XKR4: variants seen among roughly 807,000 people sequenced by gnomAD.
XKR4 encodes the protein XK-related protein 4.
Under a neutral mutation model 53.9 loss-of-function variants are expected in XKR4, and 12 were observed. The ratio of observed to expected loss-of-function variants is 0.22; its 90% CI spans 0.14 to 0.36. The LOEUF is 0.36. Among genes scored for constraint, XKR4 ranks in the 10% least tolerant of loss-of-function variants. XKR4 has a pLI of 1.00. For missense variants in XKR4, 799 were observed against 859.5 expected (o/e 0.93, Z 0.88); for synonymous variants, 354 against 362.4 (o/e 0.98, Z 0.26).
intron 1 of XKR4, among the ~76,000 whole-genome samples, chr8:55,193,500 G>C (rs1817469496): frequency 1.3e-5 from 2 of 152,092 alleles, no homozygotes; most frequent in African/African-American, 4.8e-5. Context: ...CACATCTTTA[G>C]AGCTGCTGTG....
Position 55,247,732 on chromosome 8 carries a change from A to G in XKR4, c.807-109946A>G, listed in dbSNP as rs1047324030. Reference sequence around the variant, plus strand: ...GTTTCTTCTGCAGTTCACAATTACAATCACAGTGCTTTATCCTTTCTCTTA... The same window carrying G: ...GTTTCTTCTGCAGTTCACAATTACAGTCACAGTGCTTTATCCTTTCTCTTA... On this transcript the variant is annotated intron_variant, in intron 1 of 2. Transcript: ENST00000327381. Among the ~76,000 whole-genome samples the G allele has an allele frequency of 9.2e-5, 14 of 152,166 alleles. No individual in the cohort carries two copies. The East Asian group carries it at 1.7e-3, about 19-fold the overall frequency.
chr8:55,305,972 A>T (rs1309137983), intron 1 of XKR4, among the ~76,000 whole-genome samples: 2 of 152,220 alleles, frequency 1.3e-5, no homozygotes, highest in African/African-American at 4.8e-5. Context: ...AAATGTAGGT[A>T]AATTGTTTAG....
At chr8:55,513,327 T>A (rs1197265023) in intron 2 of XKR4, among the ~76,000 whole-genome samples, 2 of 152,166 alleles carry the variant, frequency 1.3e-5, no homozygotes, top group Non-Finnish European at 2.9e-5. Flanking sequence ...GGCCATCGAA[T>A]TCACATGCAT....
chr8:55,353,287 T>C (rs186906177), intron 1 of XKR4, among the ~76,000 whole-genome samples: 7 of 152,280 alleles, frequency 4.6e-5, no homozygotes, highest in Admixed American at 6.5e-5. Flanking sequence ...GATGAGATCA[T>C]TGGGGTGACT....
At chr8:55,473,377 T>G (rs2975960) in intron 2 of XKR4, among the ~76,000 whole-genome samples, 62,605 of 151,940 alleles carry the variant, frequency 0.41, 13,516 homozygotes, top group East Asian at 0.53. Context: ...TCTTATTTAT[T>G]TTACTAATTT....
rs1203629835 is a variant in XKR4 at position 55,525,737 on chromosome 8, T to TA, written c.*1516dup. 6.6e-6 allele frequency: 1 copy of TA among 152,652 alleles called. No individual in the cohort carries two copies. Among genetic ancestry groups the TA allele is most frequent in the Non-Finnish European group, 1.5e-5 (1 of 68,040 alleles). The allele number at this position is 152,652 out of a possible 1,614,324, so 9.5% of individuals were successfully genotyped here. A position where few individuals can be genotyped will look rare whatever the true frequency, so the allele number is the denominator to read the frequency against. On this transcript the variant is annotated 3_prime_UTR_variant, in exon 3 of 3. Transcript: ENST00000327381. ...ATGGATTATTTCAATATTTTTGTAA[T>TA]AAAAAATATAGGGTATACACATAGG...
At chr8:55,231,755 GA>G (rs1455590744) in intron 1 of XKR4, among the ~76,000 whole-genome samples, 6 of 152,142 alleles carry the variant, frequency 3.9e-5, no homozygotes, top group Non-Finnish European at 5.9e-5. Context: ...AAATGCAGGG[GA>G]ACATGGACAC....
intron 1 of XKR4, among the ~76,000 whole-genome samples, chr8:55,111,968 G>A (rs186875326): frequency 6.6e-6 from 1 of 152,278 alleles, no homozygotes; most frequent in Admixed American, 6.5e-5. Context: ...ATAGGGGTAT[G>A]GTGCACTCTG....
chr8:55,168,112 G>A (rs530903249), intron 1 of XKR4, among the ~76,000 whole-genome samples: 8 of 152,302 alleles, frequency 5.3e-5, no homozygotes, highest in African/African-American at 1.7e-4. Flanking sequence ...TGTTTAAGAA[G>A]AGAATCGTAC....
At chr8:55,249,006 T>C (rs1484284461) in intron 1 of XKR4, among the ~76,000 whole-genome samples, 1 of 152,186 alleles carries the variant, frequency 6.6e-6, no homozygotes, top group Admixed American at 6.5e-5. Flanking sequence ...TCTCTTTCTC[T>C]CTGTAGTCAA....
chr8:55,330,739 C>G (rs935551871), intron 1 of XKR4, among the ~76,000 whole-genome samples: 5 of 152,116 alleles, frequency 3.3e-5, no homozygotes, highest in Non-Finnish European at 7.4e-5. Flanking sequence ...AAGGCTCATT[C>G]CCTTCCTCCC....
rs1255900464 is a variant in XKR4, at chr8:55,534,257, A to G, written c.*10030A>G. ...TCCTGCCTTCTTAGGTGGTGACATT[A>G]GCAGTTCCAAACCGAGATCCATTTC... On this transcript the variant is annotated 3_prime_UTR_variant, in exon 3 of 3. Coordinates refer to ENST00000327381, the MANE Select transcript of XKR4 (RefSeq NM_052898.2). 6.6e-6 allele frequency: 1 copy of G among 151,030 alleles called. No individual in the cohort carries two copies. The highest frequency in any genetic ancestry group is 1.5e-5 in the Non-Finnish European group (1 of 67,864). The allele number at this position is 151,030 out of a possible 1,614,324, so 9.4% of individuals were successfully genotyped here. A position where few individuals can be genotyped will look rare whatever the true frequency, so the allele number is the denominator to read the frequency against.
At chr8:55,135,151 T>A (rs536603677) in intron 1 of XKR4, 1 of 154,358 alleles carries the variant, frequency 6.5e-6, no homozygotes, top group East Asian at 1.9e-4. Context: ...CATGTAAGTC[T>A]ACACACATAC....
intron 2 of XKR4, among the ~76,000 whole-genome samples, chr8:55,380,218 C>T (rs1305077043): frequency 6.6e-6 from 1 of 152,200 alleles, no homozygotes; most frequent in Non-Finnish European, 1.5e-5. Context: ...AGGTTTTAGG[C>T]ACACACTTAA....
At chr8:55,169,121 C>T (rs143285384) in intron 1 of XKR4, among the ~76,000 whole-genome samples, 1 of 152,272 alleles carries the variant, frequency 6.6e-6, no homozygotes, top group African/African-American at 2.4e-5. Context: ...AACACGTGCC[C>T]TTTAAAATAT....
chr8:55,492,129 G>T (rs1806281686), intron 2 of XKR4, among the ~76,000 whole-genome samples: 1 of 152,124 alleles, frequency 6.6e-6, no homozygotes, highest in Non-Finnish European at 1.5e-5. Flanking sequence ...CAGGGCAATT[G>T]CTGGTCTCAC....
chr8:55,388,955 T>G (rs1266558798), intron 2 of XKR4, among the ~76,000 whole-genome samples: 8 of 152,220 alleles, frequency 5.3e-5, no homozygotes, highest in Non-Finnish European at 1.0e-4. Flanking sequence ...GGGACCTTAT[T>G]CACAAATAGG....
rs1172952618 is a variant in XKR4, at chr8:55,532,755, C to G, written c.*8528C>G. ...GAGCTTGCAGTGAGCCAAGATCGTG[C>G]CACTGCACTCCAGCCTGGGTGACAG... On this transcript the variant is annotated 3_prime_UTR_variant, in exon 3 of 3. Transcript: ENST00000327381. 2 of 139,182 alleles carry G rather than the reference C, an allele frequency of 1.4e-5. No individual in the cohort carries two copies. Among genetic ancestry groups the G allele is most frequent in the African/African-American group, 5.5e-5 (2 of 36,398 alleles). The allele number at this position is 139,182 out of a possible 1,614,324, so 8.6% of individuals were successfully genotyped here.
chr8:55,283,247 C>T (rs962848725), intron 1 of XKR4, among the ~76,000 whole-genome samples: 2 of 152,176 alleles, frequency 1.3e-5, no homozygotes, highest in African/African-American at 2.4e-5. Flanking sequence ...TTATCATATG[C>T]CTGGCATGGT....
Sources: allele counts gnomAD v4.1 joint callset (sites outside exome capture counted in the v4.1 genomes callset), GRCh38; gene constraint gnomAD v4.1.1; transcripts MANE v1.5; gene names NCBI Gene and HGNC (gene_info 2026-07-23, HGNC 2026-07-21).